The following CADM1 variants were observed in gnomAD, a reference collection of about 807,000 sequenced individuals.
The protein encoded by CADM1 is TSLC-1.
Under a neutral mutation model 53.1 loss-of-function variants are expected in CADM1, and 15 were observed. The observed-to-expected ratio is 0.28, with a 90% CI of 0.19 to 0.44. CADM1 has a LOEUF of 0.44. Among genes scored for constraint, CADM1 ranks in the 20% least tolerant of loss-of-function variants. The pLI is 1.00. For synonymous variants in CADM1, 281 were observed against 243.0 expected, an observed-to-expected ratio of 1.16 and a Z score of -1.45; for missense variants, 434 against 611.3, an observed-to-expected ratio of 0.71 and a Z score of 3.06.
chr11:115,269,151 T>C (rs1237275725), intron 1 of CADM1, among the ~76,000 whole-genome samples: 1 of 152,052 alleles, frequency 6.6e-6, no homozygotes, highest in African/African-American at 2.4e-5. Flanking sequence ...AAGTGTACAA[T>C]CCACATGCTG....
Position 115,504,386 on chromosome 11 carries a change from A to G in CADM1, c.9T>C (p.Ser3=), listed in dbSNP as rs372798885. MA[S]VVLPSGSQCA... ...ACTGGGATCCGCTCGGCAGCACTAC[A>G]CTCGCCATGTCGGGCACCTGCCTCA... Residue 3 remains serine, a synonymous_variant, in exon 1 of 12, where the codon AGT becomes AGC. Transcript: ENST00000331581. 8 of 1,545,928 alleles carry G rather than the reference A, an allele frequency of 5.2e-6. No homozygotes were observed. Among genetic ancestry groups the G allele is most frequent in the Non-Finnish European group, 7.0e-6 (8 of 1,146,020 alleles).
At position 115,217,996 on chromosome 11, in the gene CADM1, G is replaced by A. The variant is rs1263955522; in HGVS notation, c.722-5C>T. ...GAATGTGCACTTGAGGCTTATCTGT[G>A]TGACAAAAACACAAAGTATAATGTT... On this transcript the variant is annotated splice_polypyrimidine_tract_variant and splice_region_variant and intron_variant, in intron 5 of 11. Transcript: ENST00000331581. 6.2e-7 allele frequency: 1 copy of A among 1,603,146 alleles called. No homozygotes were observed. The highest frequency in any genetic ancestry group is 1.1e-5 in the South Asian group (1 of 90,910).
intron 10 of CADM1, among the ~76,000 whole-genome samples, chr11:115,184,266 T>A (rs996977359): frequency 6.6e-6 from 1 of 152,196 alleles, no homozygotes; most frequent in Non-Finnish European, 1.5e-5. Context: ...ATTCTCATCA[T>A]CTATTGTAGC....
intron 1 of CADM1, among the ~76,000 whole-genome samples, chr11:115,455,326 G>GA (rs1305506998): frequency 6.7e-6 from 1 of 149,628 alleles, no homozygotes; most frequent in Non-Finnish European, 1.5e-5. Context: ...TGAGTTTTGG[G>GA]AAAAAAAGAA....
chr11:115,443,815 C>A (rs1016261110), intron 1 of CADM1, among the ~76,000 whole-genome samples: 7 of 152,186 alleles, frequency 4.6e-5, no homozygotes, highest in Non-Finnish European at 7.3e-5. Flanking sequence ...TTTCAAATTA[C>A]TGGGGAACAT....
At chr11:115,179,330 T>A (rs1441203444) in intron 10 of CADM1, among the ~76,000 whole-genome samples, 1 of 152,232 alleles carries the variant, frequency 6.6e-6, no homozygotes, top group East Asian at 1.9e-4. Context: ...TTAGGATGTA[T>A]GAAGGAGTAA....
At position 115,305,928 on chromosome 11, in the gene CADM1, G is replaced by A. The variant is rs1009325055; in HGVS notation, c.125-65508C>T. Among the ~76,000 whole-genome samples the A allele has an allele frequency of 1.3e-4, 18 of 138,592 alleles. 1 individual carries two copies. In the East Asian group the frequency reaches 3.5e-3, roughly 27 times the overall value. The allele number at this position is 138,592 out of a possible 152,430, so 90.9% of individuals were successfully genotyped here. A position where few individuals can be genotyped will look rare whatever the true frequency, so the allele number is the denominator to read the frequency against. ...AAAAAAAAAAAAAAAAAAAGAATAT[G>A]CCATGTAAACTTTCAGGCACTATAA... On this transcript the variant is annotated intron_variant, in intron 1 of 11. Coordinates refer to ENST00000331581, the MANE Select transcript of CADM1 (RefSeq NM_001301043.2).
At chr11:115,265,423 G>A (rs913620509) in intron 1 of CADM1, among the ~76,000 whole-genome samples, 1 of 152,102 alleles carries the variant, frequency 6.6e-6, no homozygotes, top group East Asian at 1.9e-4. Flanking sequence ...GGAACCTTGG[G>A]CAGTGCATTC....
At chr11:115,414,163 C>A (rs993208777) in intron 1 of CADM1, among the ~76,000 whole-genome samples, 2 of 152,014 alleles carry the variant, frequency 1.3e-5, no homozygotes, top group Non-Finnish European at 2.9e-5. Context: ...TTTTTTGTTA[C>A]ATCAATTATA....
At chr11:115,430,592 G>T (rs1187930793) in intron 1 of CADM1, among the ~76,000 whole-genome samples, 1 of 152,190 alleles carries the variant, frequency 6.6e-6, no homozygotes, top group East Asian at 1.9e-4. Context: ...TCAAATTTCA[G>T]TAATTAATAT....
At chr11:115,300,465 A>C (rs1258714041) in intron 1 of CADM1, among the ~76,000 whole-genome samples, 2 of 152,114 alleles carry the variant, frequency 1.3e-5, no homozygotes, top group Admixed American at 1.3e-4. Context: ...AAGAATCCAA[A>C]ATACAATTTT....
chr11:115,408,567 C>T (rs974886146), intron 1 of CADM1, among the ~76,000 whole-genome samples: 7 of 152,210 alleles, frequency 4.6e-5, no homozygotes, highest in Non-Finnish European at 7.3e-5. Context: ...GATATGCCCC[C>T]ATCCCAATCC....
At chr11:115,312,899 G>A (rs1944567352) in intron 1 of CADM1, among the ~76,000 whole-genome samples, 1 of 152,104 alleles carries the variant, frequency 6.6e-6, no homozygotes, top group Non-Finnish European at 1.5e-5. Context: ...GCAGCCAAGA[G>A]ATGGCTGGGA....
intron 3 of CADM1, among the ~76,000 whole-genome samples, chr11:115,233,670 G>A (rs1006817290): frequency 3.9e-5 from 6 of 151,948 alleles, no homozygotes; most frequent in Non-Finnish European, 7.4e-5. Context: ...CAACTAAGGT[G>A]TAACAAATAT....
In CADM1 at chr11:115,445,659, C is replaced by T. The variant is rs568118264; in HGVS notation, c.124+58612G>A. 19 of 331,716 alleles carry T rather than the reference C, an allele frequency of 5.7e-5. No homozygotes were observed. In the Admixed American group the frequency reaches 6.0e-4, roughly 10 times the overall value. The allele number at this position is 331,716 out of a possible 1,614,324, so 20.5% of individuals were successfully genotyped here. On this transcript the variant is annotated intron_variant, in intron 1 of 11. Coordinates refer to ENST00000331581, the MANE Select transcript of CADM1 (RefSeq NM_001301043.2). ...AGGAGTTTGAGACCAGCCTGGTCAA[C>T]ATGGCAACACCCTGTCTCAACAAAA...
chr11:115,358,103 G>C (rs1945924870), intron 1 of CADM1, among the ~76,000 whole-genome samples: 1 of 152,130 alleles, frequency 6.6e-6, no homozygotes, highest in African/African-American at 2.4e-5. Context: ...CCACAATCAA[G>C]AGAAGAAACA....
intron 1 of CADM1, among the ~76,000 whole-genome samples, chr11:115,415,204 A>T (rs138713816): frequency 0.014 from 2,079 of 152,290 alleles, 60 homozygotes; most frequent in Non-Finnish European, 0.014. Context: ...TCATAGTACT[A>T]TTATGAGATA....
intron 10 of CADM1, among the ~76,000 whole-genome samples, chr11:115,190,169 T>C (rs1939776448): frequency 6.6e-6 from 1 of 152,198 alleles, no homozygotes; most frequent in South Asian, 2.1e-4. Context: ...CCATAGCTGG[T>C]TGGCAGTTAA....
intron 1 of CADM1, among the ~76,000 whole-genome samples, chr11:115,313,873 T>C (rs1018210609): frequency 9.2e-5 from 14 of 152,268 alleles, no homozygotes; most frequent in African/African-American, 3.1e-4. Flanking sequence ...CTTAGGTCAC[T>C]GAACAACTAG....
Sources: allele counts gnomAD v4.1 joint callset (sites outside exome capture counted in the v4.1 genomes callset), GRCh38; gene constraint gnomAD v4.1.1; transcripts MANE v1.5; gene names NCBI Gene and HGNC (gene_info 2026-07-23, HGNC 2026-07-21).